KLHL5: variants seen among roughly 807,000 people sequenced by gnomAD.
KLHL5 encodes the protein kelch like family member 5, also known as kelch-like protein 5.
A neutral mutation model predicts 77.7 loss-of-function variants in KLHL5; 48 were observed. The observed-to-expected ratio is 0.62, with a 90% CI of 0.49 to 0.79. KLHL5 has a LOEUF of 0.79. Ranked by LOEUF, KLHL5 falls within the 30% of genes least tolerant of loss-of-function variation. The probability of loss-of-function intolerance (pLI) is 0.00; values close to 1 mark genes in which losing one functional copy is unlikely to be tolerated. For missense variants in KLHL5, 723 were observed against 859.7 expected (o/e 0.84, Z 1.99); for synonymous variants, 260 against 297.0 (o/e 0.88, Z 1.28).
At position 39,109,656 on chromosome 4, in the gene KLHL5, G is replaced by C. The variant is rs532624240; in HGVS notation, c.1688+1925G>C. Among the ~76,000 whole-genome samples, 11 of 148,558 alleles carry C rather than the reference G, an allele frequency of 7.4e-5. No homozygotes were observed. In the South Asian group the frequency reaches 2.4e-3, roughly 32 times the overall value. On this transcript the variant is annotated intron_variant, in intron 8 of 10. Coordinates refer to ENST00000504108, the MANE Select transcript of KLHL5 (RefSeq NM_015990.5). ...TTTTTTCTTTTTTTTTTTTTTGGAG[G>C]GGGTGGTGGGGAAGTGGACAGACTC...
chr4:39,119,270 G>A (rs924259748), intron 10 of KLHL5, among the ~76,000 whole-genome samples: 9 of 152,102 alleles, frequency 5.9e-5, no homozygotes, highest in Admixed American at 1.3e-4. Context: ...ATGTGAACTC[G>A]TTATCATAGT....
intron 6 of KLHL5, 68 bp from the exon 7 acceptor site, chr4:39,103,219 G>T: frequency 7.6e-6 from 2 of 262,636 alleles, no homozygotes; most frequent in Admixed American, 2.6e-4. Flanking sequence ...TTTTGTATCT[G>T]TAATTTCATA....
rs547258582 is a variant in KLHL5, at chr4:39,055,837, G to A, written c.-94-6722G>A. 7.2e-5 allele frequency among the ~76,000 whole-genome samples: 11 copies of A among 152,224 alleles called. No homozygotes were observed. The South Asian group carries it at 1.5e-3, about 20-fold the overall frequency. On this transcript the variant is annotated intron_variant, in intron 1 of 11. Transcript: ENST00000261425. Reference sequence around the variant, plus strand: ...TTTAATGTCAGTTCCTGCATTGTACGTGATATGGTAAAGGGACATAGTTTA... The same window carrying A: ...TTTAATGTCAGTTCCTGCATTGTACATGATATGGTAAAGGGACATAGTTTA...
At chr4:39,059,850 G>A (rs1245398527), upstream of KLHL5, among the ~76,000 whole-genome samples, 1 of 152,128 alleles carries the variant, frequency 6.6e-6, no homozygotes, top group East Asian at 1.9e-4. Flanking sequence ...AGTGAGCCAA[G>A]ATCACACCAC....
At chr4:39,112,480 C>T (rs977141772) in intron 8 of KLHL5, among the ~76,000 whole-genome samples, 3 of 152,156 alleles carry the variant, frequency 2.0e-5, no homozygotes, top group African/African-American at 7.2e-5. Context: ...TACTGGGTGA[C>T]CCTGTGCAAG....
rs188258289 is a variant in KLHL5 at position 39,122,262 on chromosome 4, G to A, written c.*1196G>A. On this transcript the variant is annotated 3_prime_UTR_variant, in exon 11 of 11. Transcript: ENST00000504108. Reference sequence around the variant, plus strand: ...TAACCCCAGTTAATAACCACCTTACGGAAAATAATATTTGCTAATATTGTT... The same window carrying A: ...TAACCCCAGTTAATAACCACCTTACAGAAAATAATATTTGCTAATATTGTT... 1.4e-4 allele frequency: 21 copies of A among 152,190 alleles called. No homozygotes were observed. In the East Asian group the frequency reaches 3.5e-3, roughly 25 times the overall value. The allele number at this position is 152,190 out of a possible 1,614,324, so 9.4% of individuals were successfully genotyped here.
chr4:39,120,717 T>C (rs1723152712), intron 10 of KLHL5, among the ~76,000 whole-genome samples: 1 of 152,254 alleles, frequency 6.6e-6, no homozygotes, highest in Non-Finnish European at 1.5e-5. Context: ...TCATTTTGGC[T>C]AAAATAGAGT....
chr4:39,091,521 G>A (rs896072219), intron 5 of KLHL5, among the ~76,000 whole-genome samples: 4 of 152,018 alleles, frequency 2.6e-5, no homozygotes, highest in Admixed American at 6.6e-5. Context: ...AATTATGAAC[G>A]TTTTCAATGT....
chr4:39,085,000 C>T (rs540169575), intron 4 of KLHL5, among the ~76,000 whole-genome samples: 1 of 152,154 alleles, frequency 6.6e-6, no homozygotes, highest in East Asian at 1.9e-4. Context: ...GTTAGGTAGT[C>T]AGCTTTGCTT....
Position 39,076,124 on chromosome 4 carries a change from T to C in KLHL5, c.543T>C (p.Gly181=), listed in dbSNP as rs144221606. Residue 181 remains glycine, a synonymous_variant, in exon 2 of 11, where the codon GGT becomes GGC. Coordinates refer to ENST00000504108, the MANE Select transcript of KLHL5 (RefSeq NM_015990.5). ...TGTGTGATGTAATTTTAGTCGCTGG[T>C]GATCGCAGAATTCCAGCTCACAGGT... ...KQLCDVILVA[G]DRRIPAHRLV... is the part of the protein sequence containing the mutation. The C allele has an allele frequency of 1.2e-6, 2 of 1,604,596 alleles. No homozygotes were observed. The highest frequency in any genetic ancestry group is 2.7e-5 in the African/African-American group (2 of 74,276).
rs886172585 is a variant in KLHL5 at position 39,101,590 on chromosome 4, G to C, written c.1301-1697G>C. On this transcript the variant is annotated intron_variant, in intron 6 of 10. Coordinates refer to ENST00000504108, the MANE Select transcript of KLHL5 (RefSeq NM_015990.5). ...AGGCCGGGCAAAATGGCTCATGCCT[G>C]TAATCCCAGCACTTTGGGAGGCCAA... Among the ~76,000 whole-genome samples, 6 of 152,048 alleles carry C rather than the reference G, an allele frequency of 3.9e-5. No homozygotes were observed. In the East Asian group the frequency reaches 1.2e-3, roughly 29 times the overall value.
In KLHL5 at chr4:39,080,990, A is replaced by G. The variant is rs199584390; in HGVS notation, c.567-113A>G. The G allele has an allele frequency of 5.6e-5, 55 of 984,404 alleles. No individual in the cohort carries two copies. In the East Asian group the frequency reaches 1.4e-3, roughly 25 times the overall value. The allele number at this position is 984,404 out of a possible 1,614,324, so 61.0% of individuals were successfully genotyped here. A position where few individuals can be genotyped will look rare whatever the true frequency, so the allele number is the denominator to read the frequency against. On this transcript the variant is annotated intron_variant, in intron 2 of 10. Coordinates refer to ENST00000504108, the MANE Select transcript of KLHL5 (RefSeq NM_015990.5). ...AAGCAATTTGTCAAGCTTAAAATGCATTTCCTAGTACCATGCACTGTGAGT... is the reference window on the plus strand; with the variant it reads ...AAGCAATTTGTCAAGCTTAAAATGCGTTTCCTAGTACCATGCACTGTGAGT...
chr4:39,055,832 T>G (rs954162566), intron 1 of KLHL5, among the ~76,000 whole-genome samples: 1 of 152,226 alleles, frequency 6.6e-6, no homozygotes, highest in Non-Finnish European at 1.5e-5. Flanking sequence ...GTTCCTGCAT[T>G]GTACGTGATA....
chr4:39,111,530 A>G (rs911966401), intron 8 of KLHL5, among the ~76,000 whole-genome samples: 2 of 152,194 alleles, frequency 1.3e-5, no homozygotes, highest in African/African-American at 4.8e-5. Context: ...GCACACACAT[A>G]TGCATGTGTG....
intron 9 of KLHL5, among the ~76,000 whole-genome samples, chr4:39,114,311 A>G (rs1025376979): frequency 6.6e-6 from 1 of 152,304 alleles, no homozygotes; most frequent in African/African-American, 2.4e-5. Context: ...TCAAAAATGC[A>G]AAGCAACTTC....
upstream of KLHL5, chr4:39,062,231 T>A (rs765572818): frequency 2.4e-6 from 3 of 1,225,826 alleles, no homozygotes; most frequent in East Asian, 4.2e-5. Context: ...GAGACTGAGA[T>A]ACTGCAACGG....
rs974791294 is a variant in KLHL5 at position 39,116,868 on chromosome 4, C to G, written c.2073+1538C>G. Reference sequence around the variant, plus strand: ...GTTTTGTTTTTCAGACAGAGTCTTGCTCTCGTCACCTAGGCTGGAGTGCAA... The same window carrying G: ...GTTTTGTTTTTCAGACAGAGTCTTGGTCTCGTCACCTAGGCTGGAGTGCAA... On this transcript the variant is annotated intron_variant, in intron 10 of 10. Transcript: ENST00000504108. Among the ~76,000 whole-genome samples the G allele has an allele frequency of 5.3e-5, 8 of 152,014 alleles. No homozygotes were observed. The East Asian group carries it at 1.6e-3, about 30-fold the overall frequency.
chr4:39,062,241 G>T lies in KLHL5; in HGVS notation c.-412G>T. The T allele has an allele frequency of 3.2e-6, 4 of 1,255,412 alleles. No individual in the cohort carries two copies. Among genetic ancestry groups the T allele is most frequent in the Middle Eastern group, 3.2e-4 (1 of 3,102 alleles). 77.8% of individuals were successfully genotyped at this position (1,255,412 alleles called of 1,614,324 possible). ...CAGCAGAGACTGAGATACTGCAACG[G>T]GGATAGTGTTTTCTGTCTCTGTCAT... is the stretch of plus-strand genomic sequence containing the variant. On this transcript the variant is annotated 5_prime_UTR_variant, in exon 1 of 11. Coordinates refer to ENST00000504108, the MANE Select transcript of KLHL5 (RefSeq NM_015990.5).
At chr4:39,126,405 G>A (rs1723545340), downstream of KLHL5, among the ~76,000 whole-genome samples, 1 of 152,014 alleles carries the variant, frequency 6.6e-6, no homozygotes, top group African/African-American at 2.4e-5. Context: ...TGAGATGTAG[G>A]AGAGTACCGT....
Sources: gnomAD v4.1 joint callset for allele counts (sites outside exome capture counted in the v4.1 genomes callset) on GRCh38, gnomAD v4.1.1 for gene constraint, MANE v1.5 for transcripts, NCBI Gene and HGNC (gene_info 2026-07-23, HGNC 2026-07-21) for gene names.